Variants in ZHX3 observed in about 807,000 individuals in gnomAD.
ZHX3 encodes the protein zinc fingers and homeoboxes 3.
ZHX3 carries 20 observed loss-of-function variants against 64.5 expected under a neutral mutation model. That is an observed-to-expected ratio of 0.31 (90% CI 0.22 to 0.45). ZHX3 has a LOEUF of 0.45. Ranked by LOEUF, ZHX3 falls within the 20% of genes least tolerant of loss-of-function variation. The pLI, the probability that ZHX3 is intolerant of heterozygous loss-of-function variation, is 1.00. For synonymous variants in ZHX3, 423 were observed against 461.6 expected, an observed-to-expected ratio of 0.92 and a Z score of 1.07; for missense variants, 1,041 against 1,195.8, an observed-to-expected ratio of 0.87 and a Z score of 1.91.
chr20:41,209,225 G>A (rs1331961909), intron 2 of ZHX3, among the ~76,000 whole-genome samples: 3 of 152,138 alleles, frequency 2.0e-5, no homozygotes, highest in African/African-American at 4.8e-5. Context: ...CCATGCTCAT[G>A]GATAGGAAGA....
chr20:41,306,745 ATGC>A (rs2044991653), intron 1 of ZHX3, among the ~76,000 whole-genome samples: 2 of 152,246 alleles, frequency 1.3e-5, no homozygotes, highest in African/African-American at 4.8e-5. Flanking sequence ...CAAAAAGGAA[ATGC>A]TATCTTCTGT....
Position 41,232,808 on chromosome 20 carries a change from A to T in ZHX3, c.-150-27742T>A, listed in dbSNP as rs888625136. Among the ~76,000 whole-genome samples, 5 of 152,002 alleles carry T rather than the reference A, an allele frequency of 3.3e-5. No homozygotes were observed. Among genetic ancestry groups the T allele is most frequent in the Admixed American group, 2.6e-4 (4 of 15,260 alleles). On this transcript the variant is annotated intron_variant, in intron 2 of 3. Coordinates refer to ENST00000683867, the MANE Select transcript of ZHX3 (RefSeq NM_001384317.1). This position sits in a 1 kb window ranked among gnomAD's most constrained non-coding sequence, Gnocchi z 5.0. Reference sequence around the variant, plus strand: ...CACCGTGTTAGCCAGGATAGTCTCGATCTCCTGACCTCGTGATCCCCCCGC... The same window carrying T: ...CACCGTGTTAGCCAGGATAGTCTCGTTCTCCTGACCTCGTGATCCCCCCGC...
At chr20:41,300,562 G>A (rs539388227) in intron 1 of ZHX3, among the ~76,000 whole-genome samples, 1 of 152,100 alleles carries the variant, frequency 6.6e-6, no homozygotes, top group African/African-American at 2.4e-5. Context: ...AAGTCAACAG[G>A]GTGCTAAGTG....
chr20:41,247,180 A>AT (rs1442707395), intron 2 of ZHX3, among the ~76,000 whole-genome samples: 20 of 152,040 alleles, frequency 1.3e-4, no homozygotes, highest in Non-Finnish European at 2.8e-4. Flanking sequence ...AGACAGGAGG[A>AT]TTGCCTGAAC....
At chr20:41,275,749 G>A (rs1198134027) in intron 1 of ZHX3, among the ~76,000 whole-genome samples, 1 of 152,130 alleles carries the variant, frequency 6.6e-6, no homozygotes, top group Non-Finnish European at 1.5e-5. Flanking sequence ...TGCCTGATGA[G>A]GGTCCTATCT....
Position 41,232,807 on chromosome 20 carries a change from G to A in ZHX3, c.-150-27741C>T, listed in dbSNP as rs1259981180. Among the ~76,000 whole-genome samples the A allele has an allele frequency of 6.6e-6, 1 of 151,978 alleles. No individual in the cohort carries two copies. Among genetic ancestry groups the A allele is most frequent in the Non-Finnish European group, 1.5e-5 (1 of 67,994 alleles). On this transcript the variant is annotated intron_variant, in intron 2 of 3. Coordinates refer to ENST00000683867, the MANE Select transcript of ZHX3 (RefSeq NM_001384317.1). This position sits in a 1 kb window ranked among gnomAD's most constrained non-coding sequence, Gnocchi z 5.0. ...TCACCGTGTTAGCCAGGATAGTCTC[G>A]ATCTCCTGACCTCGTGATCCCCCCG...
At chr20:41,257,334 T>A (rs776729550) in intron 2 of ZHX3, among the ~76,000 whole-genome samples, 12 of 152,174 alleles carry the variant, frequency 7.9e-5, no homozygotes, top group Admixed American at 6.5e-5. Context: ...CATAGCCTCA[T>A]AAAATGTTCA....
intron 2 of ZHX3, among the ~76,000 whole-genome samples, chr20:41,246,969 G>C (rs2041729451): frequency 6.6e-6 from 1 of 151,996 alleles, no homozygotes; most frequent in Non-Finnish European, 1.5e-5. Flanking sequence ...CTTATAAAGA[G>C]TATGTATATG....
chr20:41,309,240 T>G (rs540216710), intron 1 of ZHX3, among the ~76,000 whole-genome samples: 10 of 152,328 alleles, frequency 6.6e-5, no homozygotes, highest in African/African-American at 2.4e-4. Flanking sequence ...AGCCAAACTC[T>G]TAAGTGTCAT....
chr20:41,276,307 C>CT (rs1165096682), intron 1 of ZHX3, among the ~76,000 whole-genome samples: 1 of 151,948 alleles, frequency 6.6e-6, no homozygotes, highest in Non-Finnish European at 1.5e-5. Context: ...CAGGGAAGTA[C>CT]TTTAAGAGTA....
chr20:41,217,628 TCCATGA>T (rs956839343), intron 2 of ZHX3, among the ~76,000 whole-genome samples: 1 of 152,184 alleles, frequency 6.6e-6, no homozygotes, highest in African/African-American at 2.4e-5. Context: ...CTGGGAAGTT[TCCATGA>T]CCGAAAAGAA....
At chr20:41,269,211 G>C (rs1359983021) in intron 1 of ZHX3, 128 bp from the exon 2 acceptor site, 1 of 152,146 alleles carries the variant, frequency 6.6e-6, no homozygotes, top group African/African-American at 2.4e-5. Flanking sequence ...AAACCAGTGA[G>C]ACAAAGGTGA....
Position 41,202,671 on chromosome 20 carries a change from C to A in ZHX3, c.2246G>T (p.Cys749Phe), listed in dbSNP as rs764550884. 1 of 1,614,152 alleles carries A rather than the reference C, an allele frequency of 6.2e-7. No homozygotes were observed. Among genetic ancestry groups the A allele is most frequent in the Non-Finnish European group, 8.5e-7 (1 of 1,180,038 alleles). Residue 749 changes from cysteine to phenylalanine, a missense_variant, in exon 3 of 4, where the codon TGT (cysteine) becomes TTT (phenylalanine). Coordinates refer to ENST00000683867, the MANE Select transcript of ZHX3 (RefSeq NM_001384317.1). This position sits in a 1 kb window ranked among gnomAD's most constrained non-coding sequence, Gnocchi z 7.0. ...GRNEIPGLGA[C>F]DPEDDESNKL... ...GTTTGACTCATCATCCTCAGGGTCA[C>A]AGGCACCCAGCCCTGGAATCTCGTT...
rs6102307 is a variant in ZHX3, at chr20:41,224,109, G to A, written c.-150-19043C>T. 0.062 allele frequency among the ~76,000 whole-genome samples: 9,389 copies of A among 152,194 alleles called. 957 individuals are homozygous for A. The highest frequency in any genetic ancestry group is 0.22 in the African/African-American group (9,007 of 41,492). On this transcript the variant is annotated intron_variant, in intron 2 of 3. Coordinates refer to ENST00000683867, the MANE Select transcript of ZHX3 (RefSeq NM_001384317.1). The surrounding 1 kb of genome is among the most constrained non-coding windows in gnomAD (Gnocchi z 5.2). Reference sequence around the variant, plus strand: ...AAACAAAAAAAATACCCAAAATGGAGGAGTGGGACAATATATGCAGTCCAA... The same window carrying A: ...AAACAAAAAAAATACCCAAAATGGAAGAGTGGGACAATATATGCAGTCCAA...
At chr20:41,312,030 A>G (rs974054183) in intron 1 of ZHX3, among the ~76,000 whole-genome samples, 26 of 152,220 alleles carry the variant, frequency 1.7e-4, no homozygotes, top group East Asian at 1.3e-3. Flanking sequence ...AGAAAACAAA[A>G]GAAGGAAACA....
intron 1 of ZHX3, among the ~76,000 whole-genome samples, chr20:41,300,749 C>T (rs1357604325): frequency 6.6e-6 from 1 of 152,034 alleles, no homozygotes; most frequent in Non-Finnish European, 1.5e-5. Flanking sequence ...CAGAGGGGCA[C>T]AGGGGAAGCC....
intron 1 of ZHX3, among the ~76,000 whole-genome samples, chr20:41,297,322 G>A (rs1600661619): frequency 6.6e-6 from 1 of 152,312 alleles, no homozygotes; most frequent in Admixed American, 6.5e-5. Flanking sequence ...TCAGACCCCA[G>A]AGGAATAACA....
chr20:41,268,011 G>T (rs2042946205), intron 2 of ZHX3, among the ~76,000 whole-genome samples: 1 of 152,214 alleles, frequency 6.6e-6, no homozygotes, highest in African/African-American at 2.4e-5. Context: ...GACTACCCAA[G>T]ATTACGCCTG....
At chr20:41,245,168 A>T (rs2041615963) in intron 2 of ZHX3, among the ~76,000 whole-genome samples, 3 of 152,224 alleles carry the variant, frequency 2.0e-5, no homozygotes, top group Admixed American at 2.0e-4. Context: ...CACCACCTTC[A>T]ATTTTCACAG....
Sources: allele counts gnomAD v4.1 joint callset (sites outside exome capture counted in the v4.1 genomes callset), GRCh38; gene constraint gnomAD v4.1.1; non-coding constraint Gnocchi (gnomAD v3.1); transcripts MANE v1.5; gene names NCBI Gene and HGNC (gene_info 2026-07-23, HGNC 2026-07-21).